The following PXDNL variants were observed in gnomAD, a reference collection of about 807,000 sequenced individuals.
The protein encoded by PXDNL is probable oxidoreductase PXDNL.
Under a neutral mutation model 150.8 loss-of-function variants are expected in PXDNL, and 145 were observed. The ratio of observed to expected loss-of-function variants is 0.96; its 90% confidence interval spans 0.84 to 1.10. The LOEUF (loss-of-function observed/expected upper bound fraction) is 1.10, where lower values mean the gene tolerates loss of function less well. Ranked by LOEUF, PXDNL falls within the 50% of genes least tolerant of loss-of-function variation. The pLI, the probability that PXDNL is intolerant of heterozygous loss-of-function variation, is 0.00. For missense variants in PXDNL, 2,087 were observed against 1,873.9 expected, an observed-to-expected ratio of 1.11 and a Z score of -2.10; for synonymous variants, 757 against 725.7, an observed-to-expected ratio of 1.04 and a Z score of -0.69.
chr8:51,499,714 A>G lies in PXDNL; in HGVS notation c.437T>C (p.Leu146Pro). Residue 146 changes from leucine to proline, a missense_variant, in exon 5 of 23, where the codon CTG (leucine) becomes CCG (proline). Coordinates refer to ENST00000356297, the MANE Select transcript of PXDNL (RefSeq NM_144651.5). ...MLQPETFGDL[L>P]RLERLFLHNN... Reference sequence around the variant, plus strand: ...CAACACTTACAGTCGCTCTAATCTCAGAAGGTCTCCAAAGGTCTCTGGCTG... The same window carrying G: ...CAACACTTACAGTCGCTCTAATCTCGGAAGGTCTCCAAAGGTCTCTGGCTG... 6.2e-7 allele frequency: 1 copy of G among 1,609,624 alleles called. No individual in the cohort carries two copies. The highest frequency in any genetic ancestry group is 8.5e-7 in the Non-Finnish European group (1 of 1,176,124).
At chr8:51,724,962 G>T (rs1487233325) in intron 1 of PXDNL, among the ~76,000 whole-genome samples, 2 of 152,008 alleles carry the variant, frequency 1.3e-5, no homozygotes, top group Non-Finnish European at 2.9e-5. Flanking sequence ...TCCACCTATT[G>T]TCCTTGGACA....
chr8:51,487,668 A>G (rs939125651), intron 5 of PXDNL, among the ~76,000 whole-genome samples: 1 of 152,220 alleles, frequency 6.6e-6, no homozygotes, highest in African/African-American at 2.4e-5. Context: ...GTAACGTAGT[A>G]GTAAGAAGTT....
At chr8:51,696,679 C>CCA (rs1491291779) in intron 1 of PXDNL, among the ~76,000 whole-genome samples, 1 of 4,098 alleles carries the variant, frequency 2.4e-4, no homozygotes, top group Non-Finnish European at 5.1e-4. Flanking sequence ...CCACACACAT[C>CCA]CACACACACA....
intron 1 of PXDNL, among the ~76,000 whole-genome samples, chr8:51,675,386 G>A (rs1815591506): frequency 6.6e-6 from 1 of 152,190 alleles, no homozygotes; most frequent in Admixed American, 6.5e-5. Context: ...AGAAGACACA[G>A]CAACAAGGCA....
intron 5 of PXDNL, among the ~76,000 whole-genome samples, chr8:51,499,381 T>G (rs1811133341): frequency 6.6e-6 from 1 of 152,198 alleles, no homozygotes; most frequent in Admixed American, 6.5e-5. Context: ...TCCGCCCACC[T>G]CGGCCTCCCA....
chr8:51,446,163 C>T (rs1391956600), intron 12 of PXDNL, among the ~76,000 whole-genome samples: 1 of 152,142 alleles, frequency 6.6e-6, no homozygotes, highest in Non-Finnish European at 1.5e-5. Context: ...TGTCAGCATT[C>T]CCAGTGCTTC....
chr8:51,551,160 T>C (rs1166290289), intron 4 of PXDNL, among the ~76,000 whole-genome samples: 19 of 152,100 alleles, frequency 1.2e-4, no homozygotes, highest in Admixed American at 1.2e-3. Context: ...TAAAAAATGC[T>C]GCTGAAAGAA....
At chr8:51,540,584 T>C (rs1184939173) in intron 4 of PXDNL, among the ~76,000 whole-genome samples, 1 of 152,234 alleles carries the variant, frequency 6.6e-6, no homozygotes, top group Non-Finnish European at 1.5e-5. Context: ...ATATTTTATA[T>C]GACTTAAATC....
At chr8:51,410,186 C>T (rs554542894) in intron 16 of PXDNL, among the ~76,000 whole-genome samples, 4 of 152,342 alleles carry the variant, frequency 2.6e-5, no homozygotes, top group East Asian at 3.9e-4. Context: ...TTCTGAACTA[C>T]TATAAGCTGT....
At chr8:51,400,118 T>C (rs1316340531) in intron 17 of PXDNL, among the ~76,000 whole-genome samples, 1 of 152,218 alleles carries the variant, frequency 6.6e-6, no homozygotes, top group East Asian at 1.9e-4. Context: ...TCAGCAATGT[T>C]TCAGATTTAG....
chr8:51,676,189 G>T (rs1352335436), intron 1 of PXDNL, among the ~76,000 whole-genome samples: 1 of 151,938 alleles, frequency 6.6e-6, no homozygotes, highest in Non-Finnish European at 1.5e-5. Context: ...TGCTCCACTT[G>T]CATCTTCTAA....
chr8:51,338,356 T>C (rs1344659397), intron 21 of PXDNL, among the ~76,000 whole-genome samples: 2 of 152,186 alleles, frequency 1.3e-5, no homozygotes. Flanking sequence ...CCGCTCCACC[T>C]GGGACTAGAC....
intron 21 of PXDNL, among the ~76,000 whole-genome samples, chr8:51,332,796 G>T (rs1354177637): frequency 6.6e-6 from 1 of 152,076 alleles, no homozygotes; most frequent in Non-Finnish European, 1.5e-5. Flanking sequence ...AAAGAAAAAA[G>T]AATAAGAAAA....
rs750720839 is a variant in PXDNL at position 51,409,569 on chromosome 8, G to A, written c.2063-8C>T. On this transcript the variant is annotated splice_region_variant and splice_polypyrimidine_tract_variant and intron_variant, in intron 16 of 22. Transcript: ENST00000356297. ...AGTCATTGTACCGGAATTCTGAAAG[G>A]CAAGCGGCGAAAGCCGTGAGGAGGG... The A allele has an allele frequency of 1.9e-6, 3 of 1,550,754 alleles. No individual in the cohort carries two copies. The highest frequency in any genetic ancestry group is 2.4e-5 in the South Asian group (2 of 83,718).
chr8:51,577,696 G>C (rs1813088656), intron 3 of PXDNL, among the ~76,000 whole-genome samples: 1 of 149,736 alleles, frequency 6.7e-6, no homozygotes, highest in Non-Finnish European at 1.5e-5. Context: ...CATGATCAAA[G>C]CTCCAGGAAA....
chr8:51,595,337 G>C (rs570589121), intron 2 of PXDNL, among the ~76,000 whole-genome samples: 2 of 151,550 alleles, frequency 1.3e-5, no homozygotes, highest in East Asian at 3.9e-4. Flanking sequence ...AAAGATTAAG[G>C]CTATTTGCAT....
intron 6 of PXDNL, 130 bp downstream of exon 6, chr8:51,483,513 T>C: frequency 1.5e-6 from 1 of 679,814 alleles, no homozygotes; most frequent in Non-Finnish European, 2.6e-6. Context: ...AAAACCATTT[T>C]CTCCCTAACA....
At chr8:51,486,301 A>C (rs1166229841) in intron 5 of PXDNL, among the ~76,000 whole-genome samples, 1 of 152,170 alleles carries the variant, frequency 6.6e-6, no homozygotes, top group African/African-American at 2.4e-5. Flanking sequence ...AATTTTTTTA[A>C]TTTTGTACAA....
chr8:51,643,430 C>T lies in PXDNL; in HGVS notation c.236+11259G>A, dbSNP rs554196552. Among the ~76,000 whole-genome samples, 8 of 152,272 alleles carry T rather than the reference C, an allele frequency of 5.3e-5. No individual in the cohort carries two copies. The East Asian group carries it at 1.5e-3, about 29-fold the overall frequency. On this transcript the variant is annotated intron_variant, in intron 2 of 22. Coordinates refer to ENST00000356297, the MANE Select transcript of PXDNL (RefSeq NM_144651.5). The stretch of plus-strand genomic sequence containing the variant: ...TGATCTTTGACAAACCTGACAAAAA[C>T]AAGCAATGGGGAAATGATTCCCTAT...
Sources: gnomAD v4.1 joint callset for allele counts (sites outside exome capture counted in the v4.1 genomes callset) on GRCh38, gnomAD v4.1.1 for gene constraint, MANE v1.5 for transcripts, NCBI Gene and HGNC (gene_info 2026-07-23, HGNC 2026-07-21) for gene names.